The following CDH13 variants were observed in gnomAD, a reference collection of about 807,000 sequenced individuals.
CDH13 encodes the protein cadherin 13.
Under a neutral mutation model 63.8 loss-of-function variants are expected in CDH13, and 24 were observed. The ratio of observed to expected loss-of-function variants is 0.38; its 90% CI spans 0.27 to 0.53. The LOEUF (loss-of-function observed/expected upper bound fraction) is 0.53, where lower values mean the gene tolerates loss of function less well. CDH13 is among the 20% of genes least tolerant of loss of function. The pLI is 0.85. For synonymous variants in CDH13, 503 were observed against 355.3 expected (o/e 1.42, Z -4.67); for missense variants, 1,049 against 903.1 (o/e 1.16, Z -2.07).
chr16:83,239,464 C>G (rs1904297211), intron 5 of CDH13, among the ~76,000 whole-genome samples: 2 of 152,176 alleles, frequency 1.3e-5, no homozygotes, highest in African/African-American at 2.4e-5. Context: ...CACCATGACA[C>G]CAGGAGGGTC....
At chr16:83,791,725 C>A (rs2576469) in intron 13 of CDH13, among the ~76,000 whole-genome samples, 30,657 of 148,518 alleles carry the variant, frequency 0.21, 3,289 homozygotes, top group South Asian at 0.25. Context: ...GCAGGAGAAT[C>A]GCTTGAACCC....
At chr16:83,333,456 T>A (rs1010600043) in intron 5 of CDH13, among the ~76,000 whole-genome samples, 16 of 152,110 alleles carry the variant, frequency 1.1e-4, no homozygotes, top group African/African-American at 3.4e-4. Flanking sequence ...CTCCCCCTGC[T>A]CTTCTGGGAG....
chr16:82,707,192 C>T (rs1194778104), intron 1 of CDH13, among the ~76,000 whole-genome samples: 1 of 152,178 alleles, frequency 6.6e-6, no homozygotes, highest in Non-Finnish European at 1.5e-5. Flanking sequence ...TAATTAACAC[C>T]AATTCCATGC....
At chr16:82,957,316 T>A (rs962145173) in intron 2 of CDH13, among the ~76,000 whole-genome samples, 1 of 152,240 alleles carries the variant, frequency 6.6e-6, no homozygotes, top group African/African-American at 2.4e-5. Context: ...AATTATTTTA[T>A]GTAAAACTAA....
At chr16:83,284,356 C>T (rs1227866068) in intron 5 of CDH13, among the ~76,000 whole-genome samples, 1 of 152,104 alleles carries the variant, frequency 6.6e-6, no homozygotes, top group Non-Finnish European at 1.5e-5. Context: ...ACCATAAAAT[C>T]CTTATCTGAA....
intron 1 of CDH13, among the ~76,000 whole-genome samples, chr16:82,809,358 T>C (rs2151176852): frequency 6.6e-6 from 1 of 152,136 alleles, no homozygotes; most frequent in Admixed American, 6.5e-5. Context: ...AGTTTAGCCT[T>C]GCCCTGTGCT....
In CDH13 at chr16:83,217,448, G is replaced by T. The variant is rs1319860693; in HGVS notation, c.587G>T (p.Ser196Ile). The change falls in exon 5 of 14, where the codon AGC becomes ATC. Residue 196 changes from serine (S) to isoleucine (I), a missense_variant. Coordinates refer to ENST00000567109, the MANE Select transcript of CDH13 (RefSeq NM_001257.5). Reference protein sequence around the residue: ...GIFRINENTGSVSVTRTLDRE... With the variant: ...GIFRINENTGIVSVTRTLDRE... The stretch of plus-strand genomic sequence containing the variant: ...TTCAGAATCAATGAGAACACAGGGA[G>T]CGTCTCCGTGACACGGACCTTGGAC... 10 of 1,613,940 alleles carry T rather than the reference G, an allele frequency of 6.2e-6. No homozygotes were observed. The Admixed American group carries it at 1.5e-4, about 24-fold the overall frequency.
intron 1 of CDH13, among the ~76,000 whole-genome samples, chr16:82,800,503 T>C (rs933332167): frequency 3.3e-5 from 5 of 152,174 alleles, no homozygotes. Flanking sequence ...CCTCCCAGTA[T>C]GTGGAAAAAT....
intron 6 of CDH13, among the ~76,000 whole-genome samples, chr16:83,380,171 A>C (rs986850155): frequency 6.6e-6 from 1 of 151,830 alleles, no homozygotes; most frequent in East Asian, 1.9e-4. Flanking sequence ...ATAGAACAGG[A>C]TATGACGGAT....
chr16:82,978,915 G>A (rs1909888765), intron 2 of CDH13, among the ~76,000 whole-genome samples: 1 of 152,104 alleles, frequency 6.6e-6, no homozygotes. Context: ...AAAAGCCACA[G>A]ACACTCAAAG....
At chr16:83,308,024 G>T (rs866408334) in intron 5 of CDH13, among the ~76,000 whole-genome samples, 1 of 152,044 alleles carries the variant, frequency 6.6e-6, no homozygotes, top group Non-Finnish European at 1.5e-5. Context: ...TAAATCATTG[G>T]CGTGTATTAC....
At chr16:83,234,865 C>G (rs74034439) in intron 5 of CDH13, among the ~76,000 whole-genome samples, 2 of 151,934 alleles carry the variant, frequency 1.3e-5, no homozygotes, top group East Asian at 3.9e-4. Context: ...CCACGTCCTC[C>G]CCTCCAGAGC....
chr16:83,031,381 C>CGTATATGTATATACATATACAT (rs1314797018), intron 2 of CDH13, among the ~76,000 whole-genome samples: 8 of 69,058 alleles, frequency 1.2e-4, no homozygotes, highest in African/African-American at 2.1e-4. Context: ...TATGTATACA[C>CGTATATGTATATACATATACAT]GTATATGTAT....
chr16:83,384,025 T>C (rs1262571197), intron 6 of CDH13, among the ~76,000 whole-genome samples: 1 of 152,188 alleles, frequency 6.6e-6, no homozygotes, highest in Non-Finnish European at 1.5e-5. Flanking sequence ...TGGGTACATC[T>C]ATATGTACTC....
intron 5 of CDH13, among the ~76,000 whole-genome samples, chr16:83,301,476 T>C (rs565184937): frequency 1.3e-5 from 2 of 152,264 alleles, no homozygotes; most frequent in African/African-American, 4.8e-5. Flanking sequence ...GGAGTTTTTC[T>C]CTCCGTGATG....
intron 8 of CDH13, among the ~76,000 whole-genome samples, chr16:83,647,692 T>G (rs535165834): frequency 3.2e-4 from 48 of 152,282 alleles, no homozygotes; most frequent in African/African-American, 1.1e-3. Flanking sequence ...ATGATTCCCC[T>G]CAAATGGCCC....
chr16:83,792,109 G>A (rs910503558), intron 13 of CDH13, among the ~76,000 whole-genome samples: 18 of 152,042 alleles, frequency 1.2e-4, no homozygotes, highest in Admixed American at 3.3e-4. Flanking sequence ...TTTCTATTGC[G>A]AAACGTATTA....
intron 1 of CDH13, among the ~76,000 whole-genome samples, chr16:82,680,208 A>C (rs1031975085): frequency 1.3e-5 from 2 of 152,134 alleles, no homozygotes; most frequent in African/African-American, 2.4e-5. Flanking sequence ...AAGAGAGGGG[A>C]ATGTGGGGCC....
At chr16:83,658,405 TCACCACCAGG>T (rs1348282808) in intron 8 of CDH13, among the ~76,000 whole-genome samples, 23 of 113,080 alleles carry the variant, frequency 2.0e-4, no homozygotes, top group East Asian at 3.0e-4. Context: ...TCTCATGTCC[TCACCACCAGG>T]TCCCGTATCC....
Sources: gnomAD v4.1 joint callset for allele counts (sites outside exome capture counted in the v4.1 genomes callset) on GRCh38, gnomAD v4.1.1 for gene constraint, MANE v1.5 for transcripts, NCBI Gene and HGNC (gene_info 2026-07-23, HGNC 2026-07-21) for gene names.